CHLSN: variants seen among roughly 807,000 people sequenced by gnomAD.
CHLSN encodes protein cholesin.
the CHLSN span, among the ~76,000 whole-genome samples, chr7:1,072,662 AT>A: frequency 7.0e-6 from 1 of 143,562 alleles, no homozygotes; most frequent in Non-Finnish European, 1.5e-5. Flanking sequence ...TATGGAGTCA[AT>A]TTCTTTTCTT....
At chr7:1,058,463 C>A in the CHLSN span, 1 of 780,402 alleles carries the variant, frequency 1.3e-6, no homozygotes, top group Non-Finnish European at 2.4e-6. Context: ...AGCTGCCCTG[C>A]GGGGACCGGC....
chr7:1,085,755 C>A, the CHLSN span, among the ~76,000 whole-genome samples: 2 of 151,512 alleles, frequency 1.3e-5, no homozygotes, highest in African/African-American at 4.9e-5. Flanking sequence ...ATGGCTTGAG[C>A]CTGGGAGGTG....
the CHLSN span, among the ~76,000 whole-genome samples, chr7:1,069,397 C>T: frequency 6.7e-6 from 1 of 150,372 alleles, no homozygotes; most frequent in Non-Finnish European, 1.5e-5. Flanking sequence ...CCACGGTCTC[C>T]CTCTCATGCG....
the CHLSN span, chr7:997,673 C>T: frequency 6.2e-7 from 1 of 1,610,350 alleles, no homozygotes; most frequent in Non-Finnish European, 8.5e-7. Flanking sequence ...CCCTCCCCGG[C>T]AGGGGGGGAT....
At chr7:1,119,195 A>C in the CHLSN span, among the ~76,000 whole-genome samples, 3 of 152,238 alleles carry the variant, frequency 2.0e-5, no homozygotes, top group Admixed American at 2.0e-4. Context: ...CTTTTCAACA[A>C]GCAGAGCTGG....
chr7:1,056,401 C>G, the CHLSN span: 5 of 152,436 alleles, frequency 3.3e-5, no homozygotes, highest in African/African-American at 9.6e-5. Context: ...CGGCATTCAC[C>G]AGGATTGCAC....
At chr7:1,005,961 C>T in the CHLSN span, among the ~76,000 whole-genome samples, 2 of 152,234 alleles carry the variant, frequency 1.3e-5, no homozygotes, top group Non-Finnish European at 2.9e-5. Flanking sequence ...TCGCCACCTG[C>T]CCCCAACGTG....
chr7:1,029,181 G>A, the CHLSN span: 1 of 152,252 alleles, frequency 6.6e-6, no homozygotes, highest in Non-Finnish European at 1.5e-5. Context: ...AGGCCAGAGT[G>A]CAGTGGCACC....
At chr7:1,009,060 CGTGCACGCA>C in the CHLSN span, among the ~76,000 whole-genome samples, 1 of 152,180 alleles carries the variant, frequency 6.6e-6, no homozygotes, top group Admixed American at 6.5e-5. Context: ...TACACGTGCA[CGTGCACGCA>C]GCGTGCACAT....
At chr7:1,025,404 G>C in the CHLSN span, 1 of 152,528 alleles carries the variant, frequency 6.6e-6, no homozygotes, top group Non-Finnish European at 1.5e-5. Context: ...CTTGGGTTGG[G>C]TGCTGTACTG....
the CHLSN span, chr7:997,604 C>T: frequency 2.0e-6 from 3 of 1,529,702 alleles, no homozygotes; most frequent in Non-Finnish European, 2.6e-6. Context: ...TGGGCAGCGG[C>T]CCCGCCCCGC....
At chr7:1,064,786 G>C in the CHLSN span, among the ~76,000 whole-genome samples, 9 of 152,186 alleles carry the variant, frequency 5.9e-5, no homozygotes, top group African/African-American at 2.2e-4. Context: ...GAAGCCCAGA[G>C]GGTCCCACAG....
At chr7:1,072,375 G>A in the CHLSN span, among the ~76,000 whole-genome samples, 2 of 152,360 alleles carry the variant, frequency 1.3e-5, no homozygotes, top group African/African-American at 2.4e-5. Context: ...GGCAGACACC[G>A]GTTGGCCCTG....
chr7:1,083,454 C>T, the CHLSN span, among the ~76,000 whole-genome samples: 3 of 152,000 alleles, frequency 2.0e-5, no homozygotes, highest in African/African-American at 7.2e-5. Flanking sequence ...AAAACCCCAT[C>T]TCTACTAAAA....
chr7:1,028,750 C>A, the CHLSN span: 2 of 822,042 alleles, frequency 2.4e-6, no homozygotes, highest in South Asian at 1.1e-4. Context: ...CCATCTCCCC[C>A]AGTCTGTCCC....
chr7:1,042,643 AG>A, the CHLSN span, among the ~76,000 whole-genome samples: 1 of 152,200 alleles, frequency 6.6e-6, no homozygotes, highest in African/African-American at 2.4e-5. Flanking sequence ...GGCGGTCTGC[AG>A]TGACCTGAAA....
the CHLSN span, chr7:988,327 G>T: frequency 8.7e-6 from 14 of 1,612,070 alleles, no homozygotes; most frequent in Non-Finnish European, 8.5e-6. Context: ...ATGAGACACA[G>T]TGGCAGACCC....
chr7:1,100,189 A>G, the CHLSN span, among the ~76,000 whole-genome samples: 1 of 152,160 alleles, frequency 6.6e-6, no homozygotes, highest in South Asian at 2.1e-4. Flanking sequence ...CCAGCCGGCC[A>G]CCACTGCACC....
the CHLSN span, among the ~76,000 whole-genome samples, chr7:1,071,207 T>G: frequency 1.1e-4 from 16 of 152,372 alleles, no homozygotes; most frequent in Non-Finnish European, 1.8e-4. Flanking sequence ...GTCAATCTTT[T>G]AATGACCCTC....
Sources: allele counts gnomAD v4.1 joint callset (sites outside exome capture counted in the v4.1 genomes callset), GRCh38; gene constraint gnomAD v4.1.1; transcripts MANE v1.5; gene names NCBI Gene and HGNC (gene_info 2026-07-23, HGNC 2026-07-21).